DST: variants seen among roughly 807,000 people sequenced by gnomAD.
DST encodes the protein bullous pemphigoid antigen.
A neutral mutation model predicts 875.2 loss-of-function variants in DST; 253 were observed. The ratio of observed to expected loss-of-function variants is 0.29; its 90% CI spans 0.26 to 0.32. DST has a LOEUF of 0.32. DST is among the 10% of genes least tolerant of loss of function. The pLI is 1.00. For synonymous variants in DST, 3,124 were observed against 3,197.1 expected (o/e 0.98, Z 0.77); for missense variants, 8,287 against 9,111.6 (o/e 0.91, Z 3.68).
In DST at chr6:56,607,876, A is replaced by G. The variant is rs745542280; in HGVS notation, c.6752T>C (p.Leu2251Pro). 30 of 1,613,538 alleles carry G rather than the reference A, an allele frequency of 1.9e-5. No homozygotes were observed. The highest frequency in any genetic ancestry group is 2.5e-5 in the Non-Finnish European group (29 of 1,179,718). ...FDGNTAIKEC[L>P]DVLSSSGVFL... ...TACACCAGATGAGCTTAAGACATCG[A>G]GACATTCTTTTATGGCTGTGTTTCC... Residue 2251 changes from leucine to proline, a missense_variant, in exon 40 of 104, where the codon CTC becomes CCC. Coordinates refer to ENST00000680361, the MANE Select transcript of DST (RefSeq NM_001374736.1).
chr6:56,711,990 C>G lies in DST; in HGVS notation c.688-7621G>C, dbSNP rs1252895171. Among the ~76,000 whole-genome samples, 5 of 148,226 alleles carry G rather than the reference C, an allele frequency of 3.4e-5. No homozygotes were observed. The East Asian group carries it at 9.8e-4, about 29-fold the overall frequency. On this transcript the variant is annotated intron_variant, in intron 5 of 103. Transcript: ENST00000680361. ...CCTGTAGTCCCAGCTACTCGGGAGG[C>G]TGAGGCAGGAGAATGGCGTGAACCC...
At chr6:56,496,321 G>A (rs943009281) in intron 82 of DST, among the ~76,000 whole-genome samples, 6 of 151,972 alleles carry the variant, frequency 3.9e-5, no homozygotes, top group African/African-American at 9.7e-5. Context: ...TCTTTCTTAG[G>A]AGCCAACTGT....
rs1480788854 is a variant in DST, at chr6:56,557,439, C to G, written c.14520G>C (p.Gln4840His). 1 of 1,613,516 alleles carries G rather than the reference C, an allele frequency of 6.2e-7. No individual in the cohort carries two copies. Among genetic ancestry groups the G allele is most frequent in the East Asian group, 2.2e-5 (1 of 44,872 alleles). Residue 4840 changes from glutamine to histidine, a missense_variant, in exon 59 of 104, where the codon CAG becomes CAC. Physicochemically the swap from Gln to His is conservative, Grantham distance 24. Transcript: ENST00000680361. ...TCAATTGGGCCTCTACAGTCTGGAA[C>G]TGGGTTAGATTATTGGAGGATTCTT... ...KLEESSNNLT[Q>H]FQTVEAQLKQ...
At chr6:56,474,400 C>T (rs1414097005) in intron 92 of DST, 2 of 160,782 alleles carry the variant, frequency 1.2e-5, no homozygotes, top group Non-Finnish European at 2.7e-5. Context: ...AGGAGAATCG[C>T]TTGAACCTGG....
intron 3 of DST, among the ~76,000 whole-genome samples, chr6:56,860,788 G>A (rs74953344): frequency 6.6e-6 from 1 of 152,162 alleles, no homozygotes; most frequent in Admixed American, 6.6e-5. Context: ...AGAAGTTATT[G>A]CAACTGTGTC....
At chr6:56,747,268 CCATA>C (rs985049756) in intron 4 of DST, among the ~76,000 whole-genome samples, 1 of 152,168 alleles carries the variant, frequency 6.6e-6, no homozygotes, top group African/African-American at 2.4e-5. Context: ...ATAAATCTCT[CCATA>C]CAAATGCTTT....
chr6:56,573,195 C>A, intron 51 of DST, 131 bp from the exon 52 acceptor site: 1 of 775,824 alleles, frequency 1.3e-6, no homozygotes, highest in Non-Finnish European at 2.0e-6. Context: ...ACAGTTGAAA[C>A]TGAATGACAA....
At chr6:56,874,529 ATAT>A in intron 3 of DST, among the ~76,000 whole-genome samples, 1 of 152,324 alleles carries the variant, frequency 6.6e-6, no homozygotes, top group Admixed American at 6.5e-5. Flanking sequence ...CTTGTCAAAA[ATAT>A]TATCTCATTT....
chr6:56,830,727 G>A (rs1417388386), intron 4 of DST, among the ~76,000 whole-genome samples: 3 of 152,176 alleles, frequency 2.0e-5, no homozygotes, highest in South Asian at 4.1e-4. Context: ...GGACGTGGTA[G>A]CCCAAAACCA....
intron 3 of DST, among the ~76,000 whole-genome samples, chr6:56,884,680 T>C (rs899599610): frequency 6.6e-6 from 1 of 152,126 alleles, no homozygotes; most frequent in African/African-American, 2.4e-5. Flanking sequence ...ATGATCCCAG[T>C]AGTCTTTGAT....
intron 4 of DST, among the ~76,000 whole-genome samples, chr6:56,758,920 G>A (rs1276408260): frequency 6.6e-6 from 1 of 152,164 alleles, no homozygotes; most frequent in Non-Finnish European, 1.5e-5. Flanking sequence ...TTCAACCAGA[G>A]TGCACAATGG....
intron 2 of DST, among the ~76,000 whole-genome samples, chr6:56,947,398 G>A (rs1299596432): frequency 2.0e-5 from 3 of 151,958 alleles, no homozygotes; most frequent in African/African-American, 4.8e-5. Flanking sequence ...CTACAGGCGT[G>A]CGCCACCACA....
In DST at chr6:56,494,068, T is replaced by G; in HGVS notation, c.20336A>C (p.Asp6779Ala). The G allele has an allele frequency of 6.2e-7, 1 of 1,610,022 alleles. No homozygotes were observed. The highest frequency in any genetic ancestry group is 1.7e-5 in the Admixed American group (1 of 59,728). Reference sequence around the variant, plus strand: ...CCATTTTTCTTTCAAGTTATTTATGTCTTGGTCAATATTTGTCTCTGCAGA... The same window carrying G: ...CCATTTTTCTTTCAAGTTATTTATGGCTTGGTCAATATTTGTCTCTGCAGA... The part of the protein sequence containing the change: ...PKSAETNIDQ[D>A]INNLKEKWES... Residue 6779 changes from aspartate (D) to alanine (A), a missense_variant, in exon 83 of 104, where the codon GAC becomes GCC. Transcript: ENST00000680361.
intron 10 of DST, among the ~76,000 whole-genome samples, chr6:56,659,414 G>C (rs2099027253): frequency 6.6e-6 from 1 of 152,082 alleles, no homozygotes; most frequent in Admixed American, 6.5e-5. Flanking sequence ...ACAAGAAGTG[G>C]GAGAAAAACC....
chr6:56,849,034 G>A (rs1457611613), intron 4 of DST, among the ~76,000 whole-genome samples: 1 of 151,652 alleles, frequency 6.6e-6, no homozygotes, highest in African/African-American at 2.4e-5. Flanking sequence ...GAGAGAATCT[G>A]TCTCAAAATA....
intron 84 of DST, among the ~76,000 whole-genome samples, chr6:56,492,659 C>T (rs914187423): frequency 6.6e-6 from 1 of 152,062 alleles, no homozygotes; most frequent in Non-Finnish European, 1.5e-5. Context: ...CACTTGAGGT[C>T]AGGAGTTCAA....
intron 4 of DST, among the ~76,000 whole-genome samples, chr6:56,740,213 C>T (rs1419138967): frequency 6.6e-6 from 1 of 152,046 alleles, no homozygotes; most frequent in Non-Finnish European, 1.5e-5. Context: ...TGGACTCACC[C>T]TGAATTCTCT....
chr6:56,642,314 C>A (rs747987800), intron 16 of DST, 96 bp downstream of exon 16: 4 of 986,348 alleles, frequency 4.1e-6, no homozygotes, highest in Non-Finnish European at 4.9e-6. Context: ...GAGAGTATTA[C>A]GAAGAATCAA....
At chr6:56,465,707 T>C (rs2094544871) in intron 99 of DST, among the ~76,000 whole-genome samples, 1 of 151,878 alleles carries the variant, frequency 6.6e-6, no homozygotes, top group Admixed American at 6.6e-5. Flanking sequence ...GTATTTTCGG[T>C]CTTCATCACC....
Sources: gnomAD v4.1 joint callset for allele counts (sites outside exome capture counted in the v4.1 genomes callset) on GRCh38, gnomAD v4.1.1 for gene constraint, MANE v1.5 for transcripts, NCBI Gene and HGNC (gene_info 2026-07-23, HGNC 2026-07-21) for gene names.